The following PDE4D variants were observed in gnomAD, a reference collection of about 807,000 sequenced individuals.
PDE4D encodes phosphodiesterase 4D.
A neutral mutation model predicts 87.4 loss-of-function variants in PDE4D; 24 were observed. The observed-to-expected ratio is 0.27, with a 90% CI of 0.20 to 0.39. PDE4D has a LOEUF of 0.39. Among genes scored for constraint, PDE4D ranks in the 10% least tolerant of loss-of-function variants. The probability of loss-of-function intolerance (pLI) is 1.00; values close to 1 mark genes in which losing one functional copy is unlikely to be tolerated. For synonymous variants in PDE4D, 384 were observed against 383.2 expected (o/e 1.00, Z -0.02); for missense variants, 714 against 1,041.0 (o/e 0.69, Z 4.32).
intron 1 of PDE4D, among the ~76,000 whole-genome samples, chr5:59,817,983 A>G (rs943638387): frequency 2.6e-5 from 4 of 152,136 alleles, no homozygotes; most frequent in African/African-American, 4.8e-5. Flanking sequence ...AGAAAACCCA[A>G]GTGGAATAAA....
At chr5:60,444,529 G>A (rs1745488510) in intron 1 of PDE4D, among the ~76,000 whole-genome samples, 1 of 152,132 alleles carries the variant, frequency 6.6e-6, no homozygotes, top group South Asian at 2.1e-4. Context: ...AGAGAGATCA[G>A]CATTGCTTAA....
chr5:59,582,989 T>C (rs1824447612), intron 1 of PDE4D, among the ~76,000 whole-genome samples: 1 of 152,182 alleles, frequency 6.6e-6, no homozygotes, highest in Admixed American at 6.5e-5. Flanking sequence ...CCACAGCCTC[T>C]CCTAGCCAGG....
intron 1 of PDE4D, among the ~76,000 whole-genome samples, chr5:59,681,837 G>A (rs1479809127): frequency 6.9e-6 from 1 of 145,872 alleles, no homozygotes; most frequent in African/African-American, 2.5e-5. Flanking sequence ...GGAGGTGGAG[G>A]TTGCAGTGAG....
intron 1 of PDE4D, among the ~76,000 whole-genome samples, chr5:60,278,256 G>T (rs975094912): frequency 1.3e-5 from 2 of 152,012 alleles, no homozygotes; most frequent in Admixed American, 6.6e-5. Context: ...GGTCTCCATG[G>T]TTTCTGATGA....
At chr5:60,388,972 CT>C (rs1282216216) in intron 1 of PDE4D, among the ~76,000 whole-genome samples, 10 of 151,812 alleles carry the variant, frequency 6.6e-5, no homozygotes, top group Non-Finnish European at 1.0e-4. Flanking sequence ...CTTCTTTTTT[CT>C]TTTTTTTAAT....
chr5:59,616,125 C>T (rs1829637533), intron 1 of PDE4D, among the ~76,000 whole-genome samples: 1 of 152,038 alleles, frequency 6.6e-6, no homozygotes, highest in South Asian at 2.1e-4. Context: ...CCCCCTTCCC[C>T]CACCCCACAA....
At chr5:59,342,440 A>G (rs1561995529) in intron 1 of PDE4D, among the ~76,000 whole-genome samples, 1 of 152,132 alleles carries the variant, frequency 6.6e-6, no homozygotes, top group Non-Finnish European at 1.5e-5. Context: ...ACAATTACCT[A>G]TCTCCTTTGA....
At chr5:59,817,606 G>A (rs188233029) in intron 1 of PDE4D, among the ~76,000 whole-genome samples, 2 of 152,152 alleles carry the variant, frequency 1.3e-5, no homozygotes, top group African/African-American at 4.8e-5. Flanking sequence ...TCTGAAGATA[G>A]GGCTTTTAGT....
intron 1 of PDE4D, among the ~76,000 whole-genome samples, chr5:59,373,374 A>G (rs1784239365): frequency 6.6e-6 from 1 of 152,230 alleles, no homozygotes; most frequent in Admixed American, 6.5e-5. Context: ...AGAATTTCAT[A>G]ATGTAATTAC....
intron 1 of PDE4D, among the ~76,000 whole-genome samples, chr5:59,463,817 A>G (rs1450195900): frequency 2.0e-5 from 3 of 152,198 alleles, no homozygotes; most frequent in African/African-American, 7.2e-5. Context: ...TCAGATTGTC[A>G]CTGTGTCTGT....
chr5:59,736,535 C>T (rs1357701449), intron 1 of PDE4D, among the ~76,000 whole-genome samples: 7 of 151,800 alleles, frequency 4.6e-5, no homozygotes, highest in Admixed American at 6.6e-5. Context: ...AAAAACTAGC[C>T]GGGCATGGTG....
chr5:60,285,616 T>A (rs561059372), intron 1 of PDE4D, among the ~76,000 whole-genome samples: 1 of 152,148 alleles, frequency 6.6e-6, no homozygotes, highest in African/African-American at 2.4e-5. Context: ...AAATCAAAGG[T>A]TAGCAGAGGA....
intron 1 of PDE4D, among the ~76,000 whole-genome samples, chr5:59,687,993 G>C (rs1458238084): frequency 6.6e-6 from 1 of 152,142 alleles, no homozygotes; most frequent in Admixed American, 6.6e-5. Flanking sequence ...TAATGGTAAA[G>C]GGATCAATTC....
chr5:60,425,698 T>A (rs1258433230), intron 1 of PDE4D, among the ~76,000 whole-genome samples: 2 of 152,140 alleles, frequency 1.3e-5, no homozygotes, highest in African/African-American at 4.8e-5. Flanking sequence ...CTAATCAAAC[T>A]AAAGAGCTTC....
At chr5:60,050,111 G>T (rs529546579) in intron 2 of PDE4D, among the ~76,000 whole-genome samples, 119 of 152,288 alleles carry the variant, frequency 7.8e-4, no homozygotes, top group Non-Finnish European at 1.5e-3. Flanking sequence ...TATTCAGGTG[G>T]GAGTGACCCA....
intron 1 of PDE4D, among the ~76,000 whole-genome samples, chr5:59,411,699 A>C (rs1376122534): frequency 1.3e-5 from 2 of 152,130 alleles, no homozygotes; most frequent in Admixed American, 1.3e-4. Context: ...ACCTCATTTT[A>C]ATTTAATCAC....
intron 1 of PDE4D, among the ~76,000 whole-genome samples, chr5:59,299,987 CTGTAGT>C (rs1246017190): frequency 2.6e-5 from 4 of 151,966 alleles, no homozygotes; most frequent in Non-Finnish European, 5.9e-5. Flanking sequence ...TGTCCCGTGC[CTGTAGT>C]CCCGGCTACT....
intron 1 of PDE4D, among the ~76,000 whole-genome samples, chr5:60,478,250 T>C (rs1583890452): frequency 2.0e-5 from 3 of 152,184 alleles, no homozygotes; most frequent in Admixed American, 1.3e-4. Context: ...TATGAGAAAA[T>C]ACATTTAATG....
At chr5:59,466,788 G>T (rs1175541208) in intron 1 of PDE4D, among the ~76,000 whole-genome samples, 2 of 152,150 alleles carry the variant, frequency 1.3e-5, no homozygotes, top group Admixed American at 6.6e-5. Flanking sequence ...ACTTGTTAGG[G>T]AAGATAGAAC....
Sources: gnomAD v4.1 joint callset for allele counts (sites outside exome capture counted in the v4.1 genomes callset) on GRCh38, gnomAD v4.1.1 for gene constraint, MANE v1.5 for transcripts, NCBI Gene and HGNC (gene_info 2026-07-23, HGNC 2026-07-21) for gene names.